TBC1D1: variants seen among roughly 807,000 people sequenced by gnomAD.
The protein encoded by TBC1D1 is TBC1 domain family member 1.
TBC1D1 carries 89 observed loss-of-function variants against 125.6 expected under a neutral mutation model. The ratio of observed to expected loss-of-function variants is 0.71; its 90% CI spans 0.60 to 0.85. TBC1D1 has a LOEUF of 0.85. Among genes scored for constraint, TBC1D1 ranks in the 40% least tolerant of loss-of-function variants. The pLI is 0.00. For missense variants in TBC1D1, 1,377 were observed against 1,469.2 expected, an observed-to-expected ratio of 0.94 and a Z score of 1.03; for synonymous variants, 565 against 564.1, an observed-to-expected ratio of 1.00 and a Z score of -0.02.
chr4:38,037,394 G>A (rs545976953), intron 8 of TBC1D1, among the ~76,000 whole-genome samples: 14 of 151,722 alleles, frequency 9.2e-5, no homozygotes, highest in Non-Finnish European at 2.1e-4. Flanking sequence ...TGAACCAGAC[G>A]GCTCATGTCT....
intron 13 of TBC1D1, among the ~76,000 whole-genome samples, chr4:38,095,643 G>A (rs542401288): frequency 1.3e-5 from 2 of 152,166 alleles, no homozygotes; most frequent in Non-Finnish European, 2.9e-5. Context: ...TTTGATAGGG[G>A]TAAGATGGAA....
chr4:37,908,901 C>T (rs555348328), intron 2 of TBC1D1, among the ~76,000 whole-genome samples: 36 of 152,254 alleles, frequency 2.4e-4, no homozygotes, highest in African/African-American at 7.9e-4. Flanking sequence ...TATTAAACGT[C>T]GCTGGAGAAG....
At chr4:38,042,978 T>G (rs1005076609) in intron 8 of TBC1D1, among the ~76,000 whole-genome samples, 1 of 152,150 alleles carries the variant, frequency 6.6e-6, no homozygotes, top group African/African-American at 2.4e-5. Context: ...CTTGGCTCAC[T>G]GCAACCTCCG....
intron 2 of TBC1D1, among the ~76,000 whole-genome samples, chr4:37,971,202 T>G (rs1242212158): frequency 1.3e-5 from 2 of 152,204 alleles, no homozygotes; most frequent in African/African-American, 4.8e-5. Context: ...AAGCATCCTT[T>G]TAAAGTTACT....
chr4:37,921,406 TA>T (rs1720965735), intron 2 of TBC1D1, among the ~76,000 whole-genome samples: 2 of 136,886 alleles, frequency 1.5e-5, no homozygotes, highest in African/African-American at 5.2e-5. Context: ...ACAAAATACA[TA>T]TATATAATTT....
intron 2 of TBC1D1, among the ~76,000 whole-genome samples, chr4:37,934,521 C>T (rs1301350298): frequency 1.3e-5 from 2 of 152,192 alleles, no homozygotes; most frequent in Admixed American, 6.5e-5. Context: ...CTGCGTCATC[C>T]GTCCTGGTTG....
At chr4:38,058,758 CA>C (rs1350430505) in intron 12 of TBC1D1, among the ~76,000 whole-genome samples, 2 of 151,926 alleles carry the variant, frequency 1.3e-5, no homozygotes, top group Non-Finnish European at 2.9e-5. Context: ...AACAGTAATA[CA>C]AAAACCATGG....
chr4:38,069,643 A>G (rs773970848), intron 12 of TBC1D1, among the ~76,000 whole-genome samples: 10 of 151,908 alleles, frequency 6.6e-5, no homozygotes, highest in Non-Finnish European at 1.3e-4. Flanking sequence ...AGTCATGCCA[A>G]CCCCCAGATC....
intron 12 of TBC1D1, among the ~76,000 whole-genome samples, chr4:38,082,568 C>G (rs888966548): frequency 1.3e-5 from 2 of 151,946 alleles, no homozygotes; most frequent in African/African-American, 4.8e-5. Context: ...CTTGCAGATG[C>G]AAAAACAAAC....
chr4:37,943,788 C>T (rs766492388), intron 2 of TBC1D1, among the ~76,000 whole-genome samples: 86 of 152,328 alleles, frequency 5.6e-4, no homozygotes, highest in South Asian at 1.2e-3. Context: ...AAACTTCCCC[C>T]TTTAGCTGGG....
At chr4:38,075,061 A>G (rs1282898043) in intron 12 of TBC1D1, among the ~76,000 whole-genome samples, 1 of 152,168 alleles carries the variant, frequency 6.6e-6, no homozygotes, top group African/African-American at 2.4e-5. Context: ...GCCTGGCCAC[A>G]GTCAGTAGAG....
rs1766934932 is a variant in TBC1D1, at chr4:38,138,166, T to G, written c.*831T>G. 6.6e-6 allele frequency: 1 copy of G among 152,224 alleles called. No homozygotes were observed. The highest frequency in any genetic ancestry group is 1.5e-5 in the Non-Finnish European group (1 of 68,030). 9.4% of individuals were successfully genotyped at this position (152,224 alleles called of 1,614,324 possible). ...ATAGAGTGTTTTCATACATTTTTGC[T>G]TATCCCATAAGTACAGTTGATCAAA... On this transcript the variant is annotated 3_prime_UTR_variant, in exon 20 of 20. Coordinates refer to ENST00000261439, the MANE Select transcript of TBC1D1 (RefSeq NM_015173.4).
chr4:38,008,930 A>G (rs1740904677), intron 2 of TBC1D1, among the ~76,000 whole-genome samples: 1 of 152,226 alleles, frequency 6.6e-6, no homozygotes, highest in Non-Finnish European at 1.5e-5. Context: ...TCAAATCTTC[A>G]TGATTGAATC....
chr4:38,126,255 C>G (rs1764636659), intron 18 of TBC1D1, among the ~76,000 whole-genome samples: 1 of 152,176 alleles, frequency 6.6e-6, no homozygotes, highest in African/African-American at 2.4e-5. Context: ...ATGGGACCAC[C>G]ATCATATATG....
At position 38,049,685 on chromosome 4, in the gene TBC1D1, C is replaced by T. The variant is rs370317412; in HGVS notation, c.1697C>T (p.Ser566Leu). 24 of 1,614,018 alleles carry T rather than the reference C, an allele frequency of 1.5e-5. No individual in the cohort carries two copies. The highest frequency in any genetic ancestry group is 1.9e-5 in the Non-Finnish European group (23 of 1,180,030). Reference sequence around the variant, plus strand: ...AGCTCCTTTAAGCTCCTCGGCTCCTCGGAGGACCTGTCCAGTGACTCGGAG... The same window carrying T: ...AGCTCCTTTAAGCTCCTCGGCTCCTTGGAGGACCTGTCCAGTGACTCGGAG... Residue 566 changes from serine to leucine, a missense_variant, in exon 11 of 20, where the codon TCG (serine) becomes TTG (leucine). Physicochemically the swap from Ser to Leu is moderately radical, Grantham distance 145. This residue lies in a region of TBC1D1 where 822 missense variants were observed against 824.6 expected (regional missense o/e 1.00). Transcript: ENST00000261439.
chr4:37,963,141 T>C (rs1225222259), intron 2 of TBC1D1, among the ~76,000 whole-genome samples: 1 of 152,246 alleles, frequency 6.6e-6, no homozygotes, highest in African/African-American at 2.4e-5. Context: ...TAGCTTACAC[T>C]CATTTTTAAA....
chr4:38,134,423 T>C (rs1766132099), intron 19 of TBC1D1, among the ~76,000 whole-genome samples: 1 of 141,392 alleles, frequency 7.1e-6, no homozygotes, highest in South Asian at 2.3e-4. Context: ...TGAGATGTCC[T>C]AACTGAAAAT....
chr4:37,946,329 C>A (rs572400657), intron 2 of TBC1D1, among the ~76,000 whole-genome samples: 1 of 152,290 alleles, frequency 6.6e-6, no homozygotes, highest in East Asian at 1.9e-4. Context: ...GAAGAGAGGA[C>A]TTTGCATGCT....
intron 12 of TBC1D1, among the ~76,000 whole-genome samples, chr4:38,076,076 A>G (rs1422421578): frequency 6.6e-6 from 1 of 152,190 alleles, no homozygotes; most frequent in Non-Finnish European, 1.5e-5. Context: ...TGCTAATAAA[A>G]ACATACCTGA....
Sources: allele counts gnomAD v4.1 joint callset (sites outside exome capture counted in the v4.1 genomes callset), GRCh38; gene constraint gnomAD v4.1.1; regional missense constraint gnomAD v4.1.1; transcripts MANE v1.5; gene names NCBI Gene and HGNC (gene_info 2026-07-23, HGNC 2026-07-21).